The following SOD2 variants were observed in gnomAD, a reference collection of about 807,000 sequenced individuals.
SOD2 encodes superoxide dismutase [Mn], mitochondrial.
Under a neutral mutation model 27.0 loss-of-function variants are expected in SOD2, and 11 were observed. That is an observed-to-expected ratio of 0.41 (90% CI 0.26 to 0.67). SOD2 has a LOEUF of 0.67. Ranked by LOEUF, SOD2 falls within the 30% of genes least tolerant of loss-of-function variation. SOD2 has a pLI of 0.34. For missense variants in SOD2, 250 were observed against 274.5 expected, an observed-to-expected ratio of 0.91 and a Z score of 0.63; for synonymous variants, 105 against 103.0, an observed-to-expected ratio of 1.02 and a Z score of -0.12.
chr6:159,693,624 G>A (rs553532177), upstream of SOD2, among the ~76,000 whole-genome samples: 17 of 152,314 alleles, frequency 1.1e-4, no homozygotes, highest in African/African-American at 4.1e-4. Context: ...AGGCGGCTGC[G>A]GCGCCTGCCC....
chr6:159,726,419 A>G (rs1778171825), intron 1 of SOD2: 1 of 172,796 alleles, frequency 5.8e-6, no homozygotes, highest in Non-Finnish European at 1.3e-5. Context: ...ATGTACTTTA[A>G]TCTTATCCTA....
In SOD2 at chr6:159,710,270, C is replaced by CATATATATATATATATATATATATATAT. The variant is rs141490345; in HGVS notation, c.-116+16858_-116+16859insATATATATATATATATATATATATATAT. ...TACCCTAGAACTTAAAGTATAAATA[C>CATATATATATATATATATATATATATAT]ATATATATATATATATATAAAATAC... On this transcript the variant is annotated intron_variant, in intron 1 of 2. Transcript: ENST00000401980. 7.0e-5 allele frequency among the ~76,000 whole-genome samples: 10 copies of CATATATATATATATATATATATATATAT among 143,482 alleles called. 1 individual carries two copies. Among genetic ancestry groups the CATATATATATATATATATATATATATAT allele is most frequent in the African/African-American group, 2.6e-4 (10 of 38,080 alleles). 94.1% of individuals were successfully genotyped at this position (143,482 alleles called of 152,430 possible).
At chr6:159,760,252 G>C (rs995781301) in intron 1 of SOD2, 1 of 152,130 alleles carries the variant, frequency 6.6e-6, no homozygotes, top group African/African-American at 2.4e-5. Context: ...GTTTCAATAT[G>C]TCAAATTTGA....
At chr6:159,727,196 C>T in exon 1 of SOD2, 1 of 1,234,138 alleles carries the variant, frequency 8.1e-7, no homozygotes, top group Non-Finnish European at 1.0e-6. Context: ...GGGAGTGTTA[C>T]CGGGGAGCAG....
In SOD2 at chr6:159,690,340, T is replaced by C. The variant is rs185192442; in HGVS notation, c.227-2098A>G. 3.3e-3 allele frequency among the ~76,000 whole-genome samples: 495 copies of C among 150,528 alleles called. 6 individuals are homozygous for C. The highest frequency in any genetic ancestry group is 0.012 in the African/African-American group (476 of 40,914). ...GACTAGGCACGGTGGCTCACACCTG[T>C]AATCCCAGCACTCTGGAAGGCCGAG... On this transcript the variant is annotated intron_variant, in intron 2 of 4. Coordinates refer to ENST00000538183, the MANE Select transcript of SOD2 (RefSeq NM_000636.4).
intron 1 of SOD2, among the ~76,000 whole-genome samples, chr6:159,708,070 C>A (rs138252308): frequency 0.22 from 33,799 of 152,054 alleles, 4,046 homozygotes; most frequent in East Asian, 0.42. Flanking sequence ...ATTCAACAGC[C>A]CTTCATGCTA....
At chr6:159,728,931 A>G (rs1287905137), upstream of SOD2, among the ~76,000 whole-genome samples, 1 of 152,252 alleles carries the variant, frequency 6.6e-6, no homozygotes, top group Non-Finnish European at 1.5e-5. Context: ...CCTAAAGGAT[A>G]AAAGTAATAA....
At chr6:159,761,928 C>T (rs1780141191) in exon 1 of SOD2, 1 of 869,044 alleles carries the variant, frequency 1.2e-6, no homozygotes, top group Non-Finnish European at 1.8e-6. Flanking sequence ...CGGCCTTGCG[C>T]CTGCGCACAG....
At chr6:159,727,543 A>G (rs1562447222), upstream of SOD2, 1 of 990,686 alleles carries the variant, frequency 1.0e-6, no homozygotes. Context: ...AGACCCACAA[A>G]TAAAGGGGAG....
At chr6:159,744,520 C>T (rs1779452705) in intron 1 of SOD2, among the ~76,000 whole-genome samples, 1 of 76,434 alleles carries the variant, frequency 1.3e-5, no homozygotes, top group Non-Finnish European at 2.8e-5. Context: ...AATCTATGGG[C>T]ACAGTCCTGT....
intron 1 of SOD2, chr6:159,742,168 C>A: frequency 6.4e-7 from 1 of 1,568,952 alleles, no homozygotes; most frequent in African/African-American, 1.4e-5. Flanking sequence ...TTTTAGCTTC[C>A]TAAAGACTGA....
chr6:159,707,447 C>A (rs945385496), intron 1 of SOD2, among the ~76,000 whole-genome samples: 1 of 152,138 alleles, frequency 6.6e-6, no homozygotes, highest in Non-Finnish European at 1.5e-5. Flanking sequence ...CACCACCGAT[C>A]CCACAGAAAT....
intron 4 of SOD2, among the ~76,000 whole-genome samples, chr6:159,683,588 A>G (rs1032059672): frequency 6.6e-6 from 1 of 152,236 alleles, no homozygotes; most frequent in Non-Finnish European, 1.5e-5. Context: ...GTAATTTATT[A>G]TTAATAATTT....
rs1383270391 is a variant in SOD2, at chr6:159,692,871, C to A, written c.24-8G>T. On this transcript the variant is annotated splice_region_variant and splice_polypyrimidine_tract_variant and intron_variant, in intron 1 of 4. Transcript: ENST00000538183. ...GCCAGCTGCCTGCTGGTGCTGAAGA[C>A]GAGAAAGCACAGCCCGGTCAGTCAG... The A allele has an allele frequency of 1.9e-6, 3 of 1,593,844 alleles. No homozygotes were observed. The highest frequency in any genetic ancestry group is 4.5e-5 in the East Asian group (2 of 44,242).
rs1159658921 is a variant in SOD2, at chr6:159,710,747, CACCACTCATACTGCTCTG to C, written c.-116+16364_-116+16381del. Among the ~76,000 whole-genome samples the C allele has an allele frequency of 1.7e-4, 25 of 149,940 alleles. No individual in the cohort carries two copies. In the East Asian group the frequency reaches 4.4e-3, roughly 26 times the overall value. ...GTCACACTGCTCTGACCACCATAAC[CACCACTCATACTGCTCTG>C]ACCTCCATAACCACCACTCAGCTGC... On this transcript the variant is annotated intron_variant, in intron 1 of 2. Transcript: ENST00000401980.
In SOD2 at chr6:159,678,795, G is replaced by C. The variant is rs1779835945; in HGVS notation, c.*3698C>G. On this transcript the variant is annotated 3_prime_UTR_variant, in exon 5 of 5. Coordinates refer to ENST00000538183, the MANE Select transcript of SOD2 (RefSeq NM_000636.4). ...GCTGAGCCCTCCACCTGTGGGATCT[G>C]ACTCCAATTCCAGGTAGACAGTGTC... The C allele has an allele frequency of 6.6e-6, 1 of 152,204 alleles. No individual in the cohort carries two copies. The highest frequency in any genetic ancestry group is 6.5e-5 in the Admixed American group (1 of 15,282). 9.4% of individuals were successfully genotyped at this position (152,204 alleles called of 1,614,324 possible).
chr6:159,704,848 T>C (rs1246903918), intron 1 of SOD2, among the ~76,000 whole-genome samples: 1 of 152,166 alleles, frequency 6.6e-6, no homozygotes, highest in Non-Finnish European at 1.5e-5. Context: ...CCCTGACCCC[T>C]GAGTAGCCTA....
intron 1 of SOD2, among the ~76,000 whole-genome samples, chr6:159,723,812 G>A (rs901741763): frequency 6.6e-6 from 1 of 152,160 alleles, no homozygotes; most frequent in African/African-American, 2.4e-5. Flanking sequence ...AAGCTGTAGT[G>A]CACTGGTGAG....
At chr6:159,727,660 G>T, upstream of SOD2, 1 of 985,616 alleles carries the variant, frequency 1.0e-6, no homozygotes, top group Non-Finnish European at 1.2e-6. Flanking sequence ...GCGCGGCCTC[G>T]GCCTATGCGA....
Sources: allele counts gnomAD v4.1 joint callset (sites outside exome capture counted in the v4.1 genomes callset), GRCh38; gene constraint gnomAD v4.1.1; transcripts MANE v1.5; gene names NCBI Gene and HGNC (gene_info 2026-07-23, HGNC 2026-07-21).